The following GALNT14 variants were observed in gnomAD, a reference collection of about 807,000 sequenced individuals.
GALNT14 encodes the protein UDP-GalNAc:polypeptide N-acetylgalactosaminyltransferase 14.
Under a neutral mutation model 77.5 loss-of-function variants are expected in GALNT14, and 60 were observed. The ratio of observed to expected loss-of-function variants is 0.77; its 90% CI spans 0.63 to 0.96. GALNT14 has a LOEUF of 0.96. GALNT14 is among the 40% of genes least tolerant of loss of function. The probability of loss-of-function intolerance (pLI) is 0.00; values close to 1 mark genes in which losing one functional copy is unlikely to be tolerated. For synonymous variants in GALNT14, 280 were observed against 281.7 expected, an observed-to-expected ratio of 0.99 and a Z score of 0.06; for missense variants, 710 against 731.0, an observed-to-expected ratio of 0.97 and a Z score of 0.33.
At chr2:30,922,500 A>C (rs943676739) in intron 13 of GALNT14, among the ~76,000 whole-genome samples, 2 of 151,566 alleles carry the variant, frequency 1.3e-5, no homozygotes, top group Non-Finnish European at 2.9e-5. Flanking sequence ...CTCCAACCCT[A>C]CTCTCCCACT....
intron 6 of GALNT14, among the ~76,000 whole-genome samples, chr2:30,951,830 A>C (rs377161286): frequency 4.6e-5 from 7 of 152,194 alleles, no homozygotes; most frequent in African/African-American, 1.7e-4. Context: ...GACCTCACCT[A>C]GCAGCCCCCA....
chr2:30,894,824 C>T, the GALNT14 span, among the ~76,000 whole-genome samples: 2 of 152,168 alleles, frequency 1.3e-5, no homozygotes, highest in African/African-American at 2.4e-5. Context: ...GATGGCCAGC[C>T]CCCTCAGGGA....
At chr2:31,072,260 C>G (rs1213240040) in intron 1 of GALNT14, among the ~76,000 whole-genome samples, 1 of 108,174 alleles carries the variant, frequency 9.2e-6, no homozygotes, top group African/African-American at 3.6e-5. Context: ...TTTTCTCTCT[C>G]TCTCACACAC....
chr2:30,959,299 C>A (rs6734294), intron 3 of GALNT14, among the ~76,000 whole-genome samples: 2,604 of 152,286 alleles, frequency 0.017, 83 homozygotes, highest in African/African-American at 0.06. Context: ...GTACCTCACC[C>A]GCCTGTGGTC....
At chr2:31,056,395 T>C (rs1405252181) in intron 1 of GALNT14, among the ~76,000 whole-genome samples, 1 of 152,208 alleles carries the variant, frequency 6.6e-6, no homozygotes, top group Non-Finnish European at 1.5e-5. Flanking sequence ...TAAATCCAGA[T>C]GCAGAAAGAG....
chr2:30,924,061 T>A, intron 13 of GALNT14, 58 bp downstream of exon 13: 1 of 1,599,348 alleles, frequency 6.3e-7, no homozygotes, highest in Non-Finnish European at 8.6e-7. Flanking sequence ...GGCAGAGTCA[T>A]CTGGCTGCCT....
chr2:31,008,285 T>C (rs1026180895), intron 1 of GALNT14, among the ~76,000 whole-genome samples: 3 of 152,048 alleles, frequency 2.0e-5, no homozygotes, highest in Admixed American at 6.5e-5. Flanking sequence ...TTTGTAGAGG[T>C]GAGGTCTCAC....
At chr2:30,894,052 G>A in the GALNT14 span, among the ~76,000 whole-genome samples, 4 of 152,304 alleles carry the variant, frequency 2.6e-5, no homozygotes, top group South Asian at 2.1e-4. Flanking sequence ...AACAGGGGCC[G>A]AAAAGGAAAG....
At chr2:30,987,009 A>G (rs1327729133) in intron 2 of GALNT14, 2 of 152,242 alleles carry the variant, frequency 1.3e-5, no homozygotes, top group African/African-American at 4.8e-5. Flanking sequence ...GCATTCATCT[A>G]TAATTGTGTG....
At chr2:30,994,632 G>A (rs2148408050) in intron 1 of GALNT14, among the ~76,000 whole-genome samples, 1 of 152,304 alleles carries the variant, frequency 6.6e-6, no homozygotes, top group East Asian at 1.9e-4. Flanking sequence ...CCCCCAGCCT[G>A]TGTTTTGCAA....
At position 31,011,992 on chromosome 2, in the gene GALNT14, C is replaced by T. The variant is rs568587750; in HGVS notation, c.130-18985G>A. Reference sequence around the variant, plus strand: ...GCCCAGGAGCTGAAGGTGTTTGAAACGGGCAGGGGCAAAGAAGGGTGGGGA... The same window carrying T: ...GCCCAGGAGCTGAAGGTGTTTGAAATGGGCAGGGGCAAAGAAGGGTGGGGA... On this transcript the variant is annotated intron_variant, in intron 1 of 14. Coordinates refer to ENST00000349752, the MANE Select transcript of GALNT14 (RefSeq NM_024572.4). Among the ~76,000 whole-genome samples, 12 of 150,168 alleles carry T rather than the reference C, an allele frequency of 8.0e-5. No individual in the cohort carries two copies. The South Asian group carries it at 8.3e-4, about 10-fold the overall frequency.
intron 1 of GALNT14, among the ~76,000 whole-genome samples, chr2:31,119,301 C>T (rs1446418760): frequency 2.0e-5 from 3 of 152,108 alleles, no homozygotes; most frequent in African/African-American, 7.2e-5. Context: ...AGAAAAAAAT[C>T]TGCAACATAT....
intron 1 of GALNT14, among the ~76,000 whole-genome samples, chr2:31,011,300 A>G (rs2148441575): frequency 6.6e-6 from 1 of 152,366 alleles, no homozygotes. Context: ...TCAAAAAAGA[A>G]TAGCTACCAC....
At chr2:31,132,968 C>A (rs1220014850) in intron 1 of GALNT14, among the ~76,000 whole-genome samples, 1 of 152,108 alleles carries the variant, frequency 6.6e-6, no homozygotes, top group Non-Finnish European at 1.5e-5. Context: ...CCACCCAGAT[C>A]GATAAACTGG....
chr2:31,097,432 T>C (rs1677056621), intron 1 of GALNT14, among the ~76,000 whole-genome samples: 1 of 151,826 alleles, frequency 6.6e-6, no homozygotes, highest in Non-Finnish European at 1.5e-5. Flanking sequence ...AAGTATTTAT[T>C]GAGCACCTAA....
chr2:30,952,753 A>G (rs545729956), intron 6 of GALNT14, among the ~76,000 whole-genome samples: 16 of 147,816 alleles, frequency 1.1e-4, no homozygotes, highest in Non-Finnish European at 1.6e-4. Context: ...TAAAACTTAA[A>G]GCATAATAAA....
chr2:30,941,384 G>C (rs920237988), intron 9 of GALNT14, among the ~76,000 whole-genome samples: 4 of 152,220 alleles, frequency 2.6e-5, no homozygotes, highest in South Asian at 2.1e-4. Context: ...TCACCTGCTG[G>C]AGGGAACTGA....
chr2:31,071,385 G>A (rs1170673938), intron 1 of GALNT14, among the ~76,000 whole-genome samples: 2 of 152,210 alleles, frequency 1.3e-5, no homozygotes, highest in Admixed American at 6.5e-5. Context: ...AGAGCATCCA[G>A]AGGATAATGG....
At chr2:31,117,454 G>T (rs999194022) in intron 1 of GALNT14, among the ~76,000 whole-genome samples, 1 of 152,110 alleles carries the variant, frequency 6.6e-6, no homozygotes, top group African/African-American at 2.4e-5. Context: ...AGCAAGAAAA[G>T]TTAAAATTAA....
Sources: gnomAD v4.1 joint callset for allele counts (sites outside exome capture counted in the v4.1 genomes callset) on GRCh38, gnomAD v4.1.1 for gene constraint, MANE v1.5 for transcripts, NCBI Gene and HGNC (gene_info 2026-07-23, HGNC 2026-07-21) for gene names.